Variants in AKT3 observed in about 807,000 individuals in gnomAD.
The protein encoded by AKT3 is RAC-gamma serine/threonine-protein kinase.
In AKT3, 15 loss-of-function variants were observed where a neutral mutation model predicts 65.3. That is an observed-to-expected ratio of 0.23 (90% CI 0.15 to 0.35). The LOEUF (loss-of-function observed/expected upper bound fraction) is 0.35, where lower values mean the gene tolerates loss of function less well. Among genes scored for constraint, AKT3 ranks in the 10% least tolerant of loss-of-function variants. The pLI, the probability that AKT3 is intolerant of heterozygous loss-of-function variation, is 1.00. For synonymous variants in AKT3, 206 were observed against 183.8 expected (o/e 1.12, Z -0.98); for missense variants, 243 against 576.5 (o/e 0.42, Z 5.92).
chr1:243,774,000 G>A (rs1281958569), intron 2 of AKT3, among the ~76,000 whole-genome samples: 1 of 152,086 alleles, frequency 6.6e-6, no homozygotes, highest in African/African-American at 2.4e-5. Context: ...TTTGAACAGA[G>A]TGAACAGAGA....
intron 1 of AKT3, among the ~76,000 whole-genome samples, chr1:243,844,781 C>T (rs1047189897): frequency 6.6e-6 from 1 of 152,188 alleles, no homozygotes; most frequent in Non-Finnish European, 1.5e-5. Context: ...CATGGGTCTT[C>T]TTCATAAGAT....
chr1:243,794,919 T>C (rs1384480832), intron 2 of AKT3, among the ~76,000 whole-genome samples: 1 of 152,220 alleles, frequency 6.6e-6, no homozygotes, highest in Non-Finnish European at 1.5e-5. Flanking sequence ...GCTTCCAATA[T>C]TTAGTTGACG....
At chr1:243,627,343 A>AAG (rs1553418674) in intron 6 of AKT3, among the ~76,000 whole-genome samples, 2 of 151,684 alleles carry the variant, frequency 1.3e-5, no homozygotes, top group African/African-American at 2.4e-5. Flanking sequence ...AAAAAAAAAA[A>AAG]AGAGAGAGAG....
intron 13 of AKT3, 29 bp from the exon 14 acceptor site, chr1:243,505,363 T>C: frequency 1.3e-6 from 2 of 1,597,308 alleles, no homozygotes; most frequent in Non-Finnish European, 1.7e-6. Flanking sequence ...TATTTTAATT[T>C]TACACATTCA....
chr1:243,642,286 A>G (rs1680450550), intron 5 of AKT3, among the ~76,000 whole-genome samples: 1 of 152,190 alleles, frequency 6.6e-6, no homozygotes, highest in Admixed American at 6.5e-5. Context: ...TGTTATGGAA[A>G]AAGATACAGT....
chr1:243,580,614 T>C (rs533319583), intron 8 of AKT3, among the ~76,000 whole-genome samples: 1 of 152,284 alleles, frequency 6.6e-6, no homozygotes, highest in African/African-American at 2.4e-5. Flanking sequence ...AGAATTGTGC[T>C]TTCCCCACTT....
intron 12 of AKT3, among the ~76,000 whole-genome samples, chr1:243,515,487 C>G (rs1293122984): frequency 6.6e-6 from 1 of 151,004 alleles, no homozygotes; most frequent in Non-Finnish European, 1.5e-5. Context: ...TTTTTCTTTG[C>G]ATCATTTGAT....
rs1482913867 is a variant in AKT3 at position 243,492,616 on chromosome 1, T to TG, written c.*7-4167_*7-4166insC. Among the ~76,000 whole-genome samples the TG allele has an allele frequency of 1.1e-4, 16 of 144,520 alleles. No homozygotes were observed. The East Asian group carries it at 3.1e-3, about 28-fold the overall frequency. The allele number at this position is 144,520 out of a possible 152,430, so 94.8% of individuals were successfully genotyped here. Reference sequence around the variant, plus strand: ...ACTGCGCCCAGCTGTTTTTTTTTTTTTTTTTTTTTTTGATGAGTTTTGTTC... The same window carrying TG: ...ACTGCGCCCAGCTGTTTTTTTTTTTTGTTTTTTTTTTTGATGAGTTTTGTTC... On this transcript the variant is annotated intron_variant, in intron 13 of 13. Coordinates refer to the AKT3 transcript ENST00000336199.
chr1:243,613,591 T>C (rs986725980), intron 8 of AKT3, 80 bp downstream of exon 8: 3 of 1,140,002 alleles, frequency 2.6e-6, no homozygotes, highest in Middle Eastern at 2.1e-4. Context: ...AACTGCTATA[T>C]TGTAACTTGT....
At chr1:243,757,955 GT>G (rs1313738301) in intron 2 of AKT3, among the ~76,000 whole-genome samples, 1 of 152,062 alleles carries the variant, frequency 6.6e-6, no homozygotes, top group Non-Finnish European at 1.5e-5. Flanking sequence ...TAGAGACGGA[GT>G]TTCGCCATGT....
intron 2 of AKT3, among the ~76,000 whole-genome samples, chr1:243,737,046 T>G (rs1687885582): frequency 6.6e-6 from 1 of 152,164 alleles, no homozygotes; most frequent in East Asian, 1.9e-4. Flanking sequence ...TCCAGAAAGG[T>G]GCAAGAGTCC....
intron 8 of AKT3, among the ~76,000 whole-genome samples, chr1:243,583,170 G>GTATATATA (rs74162293): frequency 1.9e-4 from 22 of 118,588 alleles, no homozygotes; most frequent in African/African-American, 7.5e-4. Flanking sequence ...ATATGTGTGT[G>GTATATATA]TATATATATA....
At chr1:243,528,135 A>AT (rs1385785181) in intron 12 of AKT3, among the ~76,000 whole-genome samples, 3 of 151,734 alleles carry the variant, frequency 2.0e-5, no homozygotes, top group East Asian at 3.9e-4. Context: ...GAGATCTTAC[A>AT]TTTTTTTCTG....
intron 2 of AKT3, among the ~76,000 whole-genome samples, chr1:243,764,991 T>C (rs564717679): frequency 6.6e-6 from 1 of 152,148 alleles, no homozygotes. Context: ...TTCTGAATAA[T>C]GTAAATTCAT....
At chr1:243,722,509 C>T (rs1439327545) in intron 2 of AKT3, among the ~76,000 whole-genome samples, 2 of 152,048 alleles carry the variant, frequency 1.3e-5, no homozygotes, top group Admixed American at 6.5e-5. Flanking sequence ...ATAACTTCAC[C>T]ATTTCTAGTA....
intron 3 of AKT3, among the ~76,000 whole-genome samples, chr1:243,679,889 T>C (rs386508): frequency 0.048 from 7,361 of 152,156 alleles, 619 homozygotes; most frequent in African/African-American, 0.17. Flanking sequence ...AATCTGTAAA[T>C]AATACTGTTT....
At chr1:243,817,307 G>C (rs373842529) in intron 2 of AKT3, among the ~76,000 whole-genome samples, 44 of 152,172 alleles carry the variant, frequency 2.9e-4, no homozygotes, top group African/African-American at 9.4e-4. Flanking sequence ...AAACATTGGG[G>C]TAGTCCATTA....
At chr1:243,642,486 T>C (rs1053329913) in intron 5 of AKT3, among the ~76,000 whole-genome samples, 2 of 152,174 alleles carry the variant, frequency 1.3e-5, no homozygotes, top group African/African-American at 4.8e-5. Flanking sequence ...ATTTTTTGTA[T>C]TTTTAGTAGA....
chr1:243,580,172 C>T (rs6688135), intron 8 of AKT3, among the ~76,000 whole-genome samples: 4 of 152,012 alleles, frequency 2.6e-5, no homozygotes, highest in African/African-American at 7.3e-5. Context: ...GGAATCATGA[C>T]GTACACTCCA....
Sources: gnomAD v4.1 joint callset for allele counts (sites outside exome capture counted in the v4.1 genomes callset) on GRCh38, gnomAD v4.1.1 for gene constraint, MANE v1.5 for transcripts, NCBI Gene and HGNC (gene_info 2026-07-23, HGNC 2026-07-21) for gene names.